Variants in RPS9 observed in about 807,000 individuals in gnomAD.
RPS9 encodes the protein small ribosomal subunit protein uS4.
Under a neutral mutation model 16.9 loss-of-function variants are expected in RPS9, and 1 was observed. The observed-to-expected ratio is 0.06, with a 90% CI of 0.02 to 0.28. The LOEUF (loss-of-function observed/expected upper bound fraction) is 0.28. Ranked by LOEUF, RPS9 falls within the 10% of genes least tolerant of loss-of-function variation. The pLI is 1.00. For synonymous variants in RPS9, 106 were observed against 110.9 expected (o/e 0.96, Z 0.28); for missense variants, 137 against 273.2 (o/e 0.50, Z 3.51).
chr19:54,204,688 A>T (rs149380141), intron 3 of RPS9, among the ~76,000 whole-genome samples: 55 of 152,298 alleles, frequency 3.6e-4, no homozygotes, highest in African/African-American at 1.3e-3. Flanking sequence ...TATTGGGTTT[A>T]TAGGCCAGGC....
chr19:54,202,636 G>T, intron 3 of RPS9: 10 of 985,380 alleles, frequency 1.0e-5, no homozygotes, highest in Non-Finnish European at 1.2e-5. Flanking sequence ...CGGTGTTATT[G>T]GAGTGCTTTC....
chr19:54,206,172 C>A, intron 3 of RPS9, 104 bp from the exon 4 acceptor site: 1 of 1,154,640 alleles, frequency 8.7e-7, no homozygotes, highest in Non-Finnish European at 1.2e-6. Flanking sequence ...ACTACTTGTG[C>A]CTCACCGCCG....
At chr19:54,201,014 A>G (rs925713283) in intron 1 of RPS9, 126 bp downstream of exon 1, 14 of 1,451,032 alleles carry the variant, frequency 9.6e-6, no homozygotes, top group South Asian at 4.3e-5. Flanking sequence ...GGAGTGCAGC[A>G]CGGTTGTGGG....
chr19:54,206,835 C>G, intron 4 of RPS9: 1 of 925,454 alleles, frequency 1.1e-6, no homozygotes, highest in Non-Finnish European at 1.6e-6. Context: ...AGACCCCGAT[C>G]CATGACTGCG....
chr19:54,206,546 T>C, intron 4 of RPS9, 84 bp downstream of exon 4: 1 of 1,579,558 alleles, frequency 6.3e-7, no homozygotes, highest in South Asian at 1.1e-5. Context: ...CCCTATCTCC[T>C]ATGCAGCCCT....
At chr19:54,202,308 C>T (rs10401739) in intron 3 of RPS9, 5,154 of 454,550 alleles carry the variant, frequency 0.011, 254 homozygotes, top group African/African-American at 0.1. Context: ...GTCTTAGCCT[C>T]CTAAGTAGCT....
At chr19:54,204,240 G>A (rs997394587) in intron 3 of RPS9, among the ~76,000 whole-genome samples, 1 of 151,988 alleles carries the variant, frequency 6.6e-6, no homozygotes, top group Non-Finnish European at 1.5e-5. Context: ...CAAAATTAGC[G>A]GGGCGTGGTG....
At chr19:54,206,018 A>C (rs556771243) in intron 3 of RPS9, among the ~76,000 whole-genome samples, 1 of 152,250 alleles carries the variant, frequency 6.6e-6, no homozygotes, top group South Asian at 2.1e-4. Flanking sequence ...GGCTTTCGCC[A>C]TGTTGGCCGG....
Position 54,201,509 on chromosome 19 carries a change from A to G in RPS9, c.120A>G (p.Lys40=), listed in dbSNP as rs1242773494. ...KLIGEYGLRN[K]REVWRVKFTL... is the part of the protein sequence containing the mutation. Reference sequence around the variant, plus strand: ...CAGGCGAGTATGGGCTCCGGAACAAACGTGAGGTCTGGAGGGTCAAATTTA... The same window carrying G: ...CAGGCGAGTATGGGCTCCGGAACAAGCGTGAGGTCTGGAGGGTCAAATTTA... The change falls in exon 3 of 5, where the codon AAA becomes AAG. Residue 40 remains lysine (K), a synonymous_variant. Transcript: ENST00000302907. 1 of 1,614,036 alleles carries G rather than the reference A, an allele frequency of 6.2e-7. No individual in the cohort carries two copies. Among genetic ancestry groups the G allele is most frequent in the Non-Finnish European group, 8.5e-7 (1 of 1,179,980 alleles).
In RPS9 at chr19:54,207,558, G is replaced by C; in HGVS notation, c.568G>C (p.Asp190His). ...CCAGGGTGGGGCTGGGGCTGGAGAC[G>C]ACGAGGAGGAGGATTAAGTCCACCT... ...KGQGGAGAGD[D>H]EEED Residue 190 changes from aspartate (D) to histidine (H), a missense_variant, in exon 5 of 5, where the codon GAC becomes CAC. Around this residue, in one of 3 missense-constraint regions of RPS9, gnomAD observed 19 missense variants for 18.2 expected, o/e 1.04. Coordinates refer to ENST00000302907, the MANE Select transcript of RPS9 (RefSeq NM_001013.4). 1 of 1,610,600 alleles carries C rather than the reference G, an allele frequency of 6.2e-7. No individual in the cohort carries two copies. Among genetic ancestry groups the C allele is most frequent in the Non-Finnish European group, 8.5e-7 (1 of 1,179,124 alleles).
intron 4 of RPS9, 144 bp downstream of exon 4, chr19:54,206,606 A>T (rs964683529): frequency 6.4e-7 from 1 of 1,551,692 alleles, no homozygotes; most frequent in African/African-American, 1.4e-5. Context: ...TCACCCTTGC[A>T]CACAGCTCAC....
chr19:54,204,736 A>G (rs145668079), intron 3 of RPS9, among the ~76,000 whole-genome samples: 670 of 152,294 alleles, frequency 4.4e-3, no homozygotes, highest in Non-Finnish European at 7.5e-3. Context: ...CCATTTTCTA[A>G]TGTAAAGACA....
chr19:54,202,910 A>G, intron 3 of RPS9: 1 of 981,726 alleles, frequency 1.0e-6, no homozygotes, highest in Non-Finnish European at 1.2e-6. Context: ...GTTGACCAGG[A>G]TGGTTTCCAA....
intron 3 of RPS9, among the ~76,000 whole-genome samples, chr19:54,204,897 G>A (rs2077188862): frequency 6.6e-6 from 1 of 152,170 alleles, no homozygotes; most frequent in African/African-American, 2.4e-5. Context: ...GTATGACATA[G>A]GATGCTGGAA....
At chr19:54,207,375 C>T in intron 4 of RPS9, 23 bp from the exon 5 acceptor site, 1 of 1,593,430 alleles carries the variant, frequency 6.3e-7, no homozygotes, top group Non-Finnish European at 8.6e-7. Flanking sequence ...CTCCAGTCCA[C>T]CTCACCTTGT....
At chr19:54,202,907 A>G (rs2077109644) in intron 3 of RPS9, 1 of 982,632 alleles carries the variant, frequency 1.0e-6, no homozygotes, top group African/African-American at 1.7e-5. Flanking sequence ...AGTGTTGACC[A>G]GGATGGTTTC....
intron 3 of RPS9, among the ~76,000 whole-genome samples, chr19:54,204,867 G>T (rs1242427093): frequency 1.3e-5 from 2 of 152,046 alleles, no homozygotes; most frequent in Non-Finnish European, 2.9e-5. Context: ...AGTTAAAAAA[G>T]AACAAAAATT....
Position 54,201,593 on chromosome 19 carries a change from A to G in RPS9, c.204A>G (p.Pro68=). ...TGCTGACGCTTGATGAGAAGGACCC[A>G]CGGCGTCTGTTCGAAGGTGCGTATG... ...RELLTLDEKD[P]RRLFEGNALL... The change falls in exon 3 of 5, where the codon CCA becomes CCG. Residue 68 remains proline, a synonymous_variant. Transcript: ENST00000302907. The G allele has an allele frequency of 6.2e-7, 1 of 1,614,114 alleles. No homozygotes were observed. Among genetic ancestry groups the G allele is most frequent in the Non-Finnish European group, 8.5e-7 (1 of 1,180,020 alleles).
chr19:54,200,880 T>C lies in RPS9; in HGVS notation c.-34T>C, dbSNP rs1170500158. 5 of 1,085,394 alleles carry C rather than the reference T, an allele frequency of 4.6e-6. No individual in the cohort carries two copies. In the African/African-American group the frequency reaches 6.9e-5, roughly 15 times the overall value. 67.2% of individuals were successfully genotyped at this position (1,085,394 alleles called of 1,614,324 possible). ...CGCCTCTTTCTCAGTGACCGGGTGG[T>C]TTGCTTAGGTGAGGTGCGGTGGTGT... On this transcript the variant is annotated 5_prime_UTR_variant, in exon 1 of 5. Coordinates refer to ENST00000302907, the MANE Select transcript of RPS9 (RefSeq NM_001013.4).
Sources: allele counts gnomAD v4.1 joint callset (sites outside exome capture counted in the v4.1 genomes callset), GRCh38; gene constraint gnomAD v4.1.1; regional missense constraint gnomAD v4.1.1; transcripts MANE v1.5; gene names NCBI Gene and HGNC (gene_info 2026-07-23, HGNC 2026-07-21).